CNTN5: variants seen among roughly 807,000 people sequenced by gnomAD.
CNTN5 encodes contactin-5.
A neutral mutation model predicts 129.1 loss-of-function variants in CNTN5; 77 were observed. That is an observed-to-expected ratio of 0.60 (90% CI 0.50 to 0.72). The LOEUF (loss-of-function observed/expected upper bound fraction) is 0.72, where lower values mean the gene tolerates loss of function less well. CNTN5 is among the 30% of genes least tolerant of loss of function. The pLI is 0.00. For synonymous variants in CNTN5, 509 were observed against 465.6 expected, an observed-to-expected ratio of 1.09 and a Z score of -1.20; for missense variants, 1,478 against 1,328.8, an observed-to-expected ratio of 1.11 and a Z score of -1.75.
intron 13 of CNTN5, among the ~76,000 whole-genome samples, chr11:100,114,126 T>G (rs1269961969): frequency 6.6e-6 from 1 of 152,144 alleles, no homozygotes; most frequent in African/African-American, 2.4e-5. Context: ...GATTTGATTT[T>G]TCAGCAGTTT....
chr11:100,004,244 C>T (rs1244459290), intron 9 of CNTN5, among the ~76,000 whole-genome samples: 6 of 152,090 alleles, frequency 3.9e-5, no homozygotes, highest in Admixed American at 2.6e-4. Context: ...TGTGTCCTAA[C>T]CAAACATTCC....
chr11:99,560,726 T>G (rs968027323), intron 3 of CNTN5, among the ~76,000 whole-genome samples: 2 of 152,192 alleles, frequency 1.3e-5, no homozygotes, highest in Non-Finnish European at 2.9e-5. Context: ...AATAATATTT[T>G]TTCCCATGTC....
chr11:99,606,434 A>T (rs1184932056), intron 3 of CNTN5, among the ~76,000 whole-genome samples: 1 of 144,768 alleles, frequency 6.9e-6, no homozygotes, highest in East Asian at 2.0e-4. Flanking sequence ...ACCACTGCTC[A>T]AGGAAATTAA....
In CNTN5 at chr11:100,221,248, A is replaced by T. The variant is rs146837983; in HGVS notation, c.1885-3444A>T. On this transcript the variant is annotated intron_variant, in intron 15 of 24. Transcript: ENST00000524871. ...GGCTATGGGAAGTATGCCTATGTCT[A>T]GGTGAATGTAAGGTTGGTGTTGTAG... Among the ~76,000 whole-genome samples, 1,443 of 152,338 alleles carry T rather than the reference A, an allele frequency of 9.5e-3. 28 individuals carry two copies. The highest frequency in any genetic ancestry group is 0.033 in the African/African-American group (1,355 of 41,578).
At chr11:100,329,080 G>A (rs536548124) in intron 21 of CNTN5, among the ~76,000 whole-genome samples, 7 of 152,156 alleles carry the variant, frequency 4.6e-5, no homozygotes, top group Non-Finnish European at 1.0e-4. Flanking sequence ...TGCTATTGGA[G>A]GGGGGCGTGG....
intron 3 of CNTN5, among the ~76,000 whole-genome samples, chr11:99,600,446 A>T (rs559648801): frequency 2.0e-5 from 3 of 152,300 alleles, no homozygotes; most frequent in African/African-American, 7.2e-5. Context: ...TTAGGTATAA[A>T]TTGTAATGGG....
chr11:100,081,015 G>A (rs1468124459), intron 13 of CNTN5, among the ~76,000 whole-genome samples: 4 of 152,092 alleles, frequency 2.6e-5, no homozygotes, highest in Non-Finnish European at 5.9e-5. Context: ...ATGAACTTAA[G>A]GGGATGAGAA....
chr11:99,533,240 C>T (rs1033331378), intron 2 of CNTN5, among the ~76,000 whole-genome samples: 2 of 152,142 alleles, frequency 1.3e-5, no homozygotes, highest in African/African-American at 4.8e-5. Context: ...ACCAAACCAA[C>T]AAACAAATGA....
At chr11:100,032,022 G>T (rs971498394) in intron 9 of CNTN5, among the ~76,000 whole-genome samples, 1 of 152,192 alleles carries the variant, frequency 6.6e-6, no homozygotes, top group African/African-American at 2.4e-5. Context: ...AACAAGGAGA[G>T]AGCCCTGTTG....
rs78767090 is a variant in CNTN5, at chr11:99,409,480, A to T, written c.-71+83996A>T. On this transcript the variant is annotated intron_variant, in intron 2 of 24. Transcript: ENST00000524871. ...AGCGAGATTCCGTCTCAAAAATAAA[A>T]AAATAAATAAATAAAGGCACTGACA... 2.1e-3 allele frequency among the ~76,000 whole-genome samples: 318 copies of T among 152,362 alleles called. 1 individual carries two copies. The highest frequency in any genetic ancestry group is 6.9e-3 in the African/African-American group (288 of 41,594).
At position 100,278,243 on chromosome 11, in the gene CNTN5, G is replaced by A. The variant is rs1281346859; in HGVS notation, c.2314+7002G>A. Reference sequence around the variant, plus strand: ...CAAGTATAATTTAAAGTCTGGTAATGTGATTCCACCAGTTTTGTTCTTTTT... The same window carrying A: ...CAAGTATAATTTAAAGTCTGGTAATATGATTCCACCAGTTTTGTTCTTTTT... On this transcript the variant is annotated intron_variant, in intron 18 of 24. Coordinates refer to ENST00000524871, the MANE Select transcript of CNTN5 (RefSeq NM_014361.4). Among the ~76,000 whole-genome samples the A allele has an allele frequency of 5.9e-5, 9 of 152,196 alleles. No homozygotes were observed. In the East Asian group the frequency reaches 1.7e-3, roughly 29 times the overall value.
At chr11:99,308,420 T>C (rs542858693) in intron 1 of CNTN5, among the ~76,000 whole-genome samples, 1 of 152,246 alleles carries the variant, frequency 6.6e-6, no homozygotes, top group African/African-American at 2.4e-5. Context: ...TGAGCAGAGC[T>C]TGGGACTACT....
At chr11:100,349,967 C>T (rs980353661) in intron 23 of CNTN5, among the ~76,000 whole-genome samples, 1 of 151,820 alleles carries the variant, frequency 6.6e-6, no homozygotes, top group African/African-American at 2.4e-5. Flanking sequence ...TATCCTGTGT[C>T]CTGATTTGCA....
At chr11:100,260,225 C>A (rs910684448) in intron 17 of CNTN5, among the ~76,000 whole-genome samples, 5 of 152,062 alleles carry the variant, frequency 3.3e-5, no homozygotes, top group Non-Finnish European at 7.4e-5. Flanking sequence ...GACATCTATA[C>A]CCTCCCAAGA....
At chr11:99,877,144 T>C (rs1238964836) in intron 6 of CNTN5, among the ~76,000 whole-genome samples, 1 of 152,182 alleles carries the variant, frequency 6.6e-6, no homozygotes, top group Admixed American at 6.5e-5. Context: ...TAATACCCTT[T>C]GGAAATTAAC....
rs1207082225 is a variant in CNTN5 at position 99,164,411 on chromosome 11, T to TA, written c.-210+143147dup. Among the ~76,000 whole-genome samples the TA allele has an allele frequency of 2.6e-5, 4 of 151,700 alleles. No individual in the cohort carries two copies. In the East Asian group the frequency reaches 7.7e-4, roughly 29 times the overall value. On this transcript the variant is annotated intron_variant, in intron 1 of 24. Coordinates refer to ENST00000524871, the MANE Select transcript of CNTN5 (RefSeq NM_014361.4). The stretch of plus-strand genomic sequence containing the variant: ...TTACCTAAAGAGCAATACAATACTT[T>TA]AAAAAACTCTATAATAGCTAGGTTA...
chr11:99,258,943 A>G (rs1862504801), intron 1 of CNTN5, among the ~76,000 whole-genome samples: 1 of 151,882 alleles, frequency 6.6e-6, no homozygotes, highest in South Asian at 2.1e-4. Context: ...GTGTTTTTTT[A>G]TTAAAGTTTC....
intron 1 of CNTN5, among the ~76,000 whole-genome samples, chr11:99,203,800 G>T (rs966374232): frequency 6.6e-6 from 1 of 152,040 alleles, no homozygotes; most frequent in Non-Finnish European, 1.5e-5. Flanking sequence ...GTTTTGCCAT[G>T]TTGGCCACAC....
At chr11:99,921,826 G>A (rs1026669179) in intron 7 of CNTN5, among the ~76,000 whole-genome samples, 1 of 151,980 alleles carries the variant, frequency 6.6e-6, no homozygotes, top group Non-Finnish European at 1.5e-5. Context: ...AAACTTTGAT[G>A]GAAAAGTCAT....
Sources: allele counts gnomAD v4.1 joint callset (sites outside exome capture counted in the v4.1 genomes callset), GRCh38; gene constraint gnomAD v4.1.1; transcripts MANE v1.5; gene names NCBI Gene and HGNC (gene_info 2026-07-23, HGNC 2026-07-21).